Variants in FLT1 observed in about 807,000 individuals in gnomAD.
FLT1 encodes fms related receptor tyrosine kinase 1, also known as vascular endothelial growth factor receptor 1.
A neutral mutation model predicts 156.3 loss-of-function variants in FLT1; 49 were observed. The observed-to-expected ratio is 0.31, with a 90% CI of 0.25 to 0.40. FLT1 has a LOEUF of 0.40. Ranked by LOEUF, FLT1 falls within the 10% of genes least tolerant of loss-of-function variation. FLT1 has a pLI of 1.00. For synonymous variants in FLT1, 594 were observed against 583.8 expected (o/e 1.02, Z -0.25); for missense variants, 1,322 against 1,637.2 (o/e 0.81, Z 3.32).
chr13:28,472,932 T>A (rs1299574314), intron 1 of FLT1, among the ~76,000 whole-genome samples: 5 of 152,122 alleles, frequency 3.3e-5, no homozygotes, highest in African/African-American at 9.7e-5. Flanking sequence ...ATTTTAAAGA[T>A]CAACCAAGGC....
At chr13:28,455,389 C>G (rs750234882) in intron 3 of FLT1, among the ~76,000 whole-genome samples, 1 of 152,114 alleles carries the variant, frequency 6.6e-6, no homozygotes, top group Non-Finnish European at 1.5e-5. Flanking sequence ...CAAAAATCAT[C>G]TTGTCAATAA....
At chr13:28,440,732 G>A (rs930960464) in intron 3 of FLT1, among the ~76,000 whole-genome samples, 4 of 152,070 alleles carry the variant, frequency 2.6e-5, no homozygotes, top group Non-Finnish European at 5.9e-5. Context: ...TATACCCTCT[G>A]TGCCTCATTT....
chr13:28,446,734 C>G (rs549307025), intron 3 of FLT1, among the ~76,000 whole-genome samples: 2 of 152,294 alleles, frequency 1.3e-5, no homozygotes, highest in South Asian at 2.1e-4. Flanking sequence ...CCAAATTGAT[C>G]TACAGATTAA....
At position 28,325,131 on chromosome 13, in the gene FLT1, C is replaced by A. The variant is rs566000760; in HGVS notation, c.2797-2185G>T. Among the ~76,000 whole-genome samples the A allele has an allele frequency of 9.2e-5, 14 of 152,186 alleles. No homozygotes were observed. In the East Asian group the frequency reaches 2.5e-3, roughly 27 times the overall value. ...AGCTCCACCAAGTTGCACAGGGAGG[C>A]AAATCATTAAATATAGCCAGAGAAG... On this transcript the variant is annotated intron_variant, in intron 20 of 29. Transcript: ENST00000282397.
At chr13:28,343,394 G>T (rs1267790076) in intron 16 of FLT1, among the ~76,000 whole-genome samples, 2 of 151,392 alleles carry the variant, frequency 1.3e-5, no homozygotes, top group African/African-American at 2.4e-5. Context: ...TCCGCCCCCG[G>T]GTCCAAACCA....
intron 13 of FLT1, chr13:28,388,698 G>GA: frequency 1.9e-6 from 2 of 1,057,050 alleles, no homozygotes; most frequent in Non-Finnish European, 2.3e-6. Flanking sequence ...TGCATATGGG[G>GA]AAAGTGGACT....
intron 11 of FLT1, among the ~76,000 whole-genome samples, chr13:28,398,500 A>C (rs1875203750): frequency 6.6e-6 from 1 of 152,194 alleles, no homozygotes; most frequent in Non-Finnish European, 1.5e-5. Context: ...TCTGTCTTTA[A>C]TCTACAGATC....
At chr13:28,438,814 G>A (rs1283789034) in intron 3 of FLT1, among the ~76,000 whole-genome samples, 1 of 152,186 alleles carries the variant, frequency 6.6e-6, no homozygotes, top group Non-Finnish European at 1.5e-5. Context: ...AGCAAGTTGA[G>A]GAGAGGATTA....
intron 3 of FLT1, among the ~76,000 whole-genome samples, chr13:28,463,077 A>G (rs1341325132): frequency 6.6e-6 from 1 of 152,168 alleles, no homozygotes; most frequent in African/African-American, 2.4e-5. Context: ...AAATGGCATC[A>G]AGTAAATGAA....
Position 28,302,917 on chromosome 13 carries a change from A to G in FLT1, c.*250T>C. ...AGCAGGGAAGTCATTGGGTTTAGGA[A>G]GGATTTCTCTAACACTGAGTAACAT... On this transcript the variant is annotated 3_prime_UTR_variant, in exon 30 of 30. Coordinates refer to ENST00000282397, the MANE Select transcript of FLT1 (RefSeq NM_002019.4). 1.9e-6 allele frequency: 1 copy of G among 529,514 alleles called. No homozygotes were observed. The highest frequency in any genetic ancestry group is 1.9e-5 in the African/African-American group (1 of 52,916). The allele number at this position is 529,514 out of a possible 1,614,324, so 32.8% of individuals were successfully genotyped here.
At chr13:28,392,574 T>G (rs1042307125) in intron 12 of FLT1, among the ~76,000 whole-genome samples, 2 of 152,206 alleles carry the variant, frequency 1.3e-5, no homozygotes, top group African/African-American at 4.8e-5. Flanking sequence ...AGAGTTTCTA[T>G]TTACTTTAGT....
rs770858814 is a variant in FLT1 at position 28,427,260 on chromosome 13, T to A, written c.1335A>T (p.Pro445=). Residue 445 remains proline, a synonymous_variant, in exon 10 of 30, where the codon CCA becomes CCT. Coordinates refer to ENST00000282397, the MANE Select transcript of FLT1 (RefSeq NM_002019.4). ...VSSFPDPALY[P]LGSRQILTCT... Reference sequence around the variant, plus strand: ...AAGTCAGGATTTGTCTGCTGCCCAGTGGGTAGAGAGCCGGGTCTGGAAACG... The same window carrying A: ...AAGTCAGGATTTGTCTGCTGCCCAGAGGGTAGAGAGCCGGGTCTGGAAACG... The A allele has an allele frequency of 1.9e-6, 3 of 1,613,916 alleles. No homozygotes were observed. Among genetic ancestry groups the A allele is most frequent in the Non-Finnish European group, 2.5e-6 (3 of 1,179,886 alleles).
At position 28,427,887 on chromosome 13, in the gene FLT1, C is replaced by G. The variant is rs767548480; in HGVS notation, c.1141G>C (p.Ala381Pro). ...KDGLPATEKS[A>P]RYLTRGYSLI... ...GAGTAGCCACGAGTCAAATAGCGAG[C>G]AGATTTCTCAGTCGCAGGTAACCCA... Residue 381 changes from alanine to proline, a missense_variant, in exon 9 of 30, where the codon GCT (alanine) becomes CCT (proline). Ala to Pro is a conservative substitution (Grantham distance 27, BLOSUM62 -1). Around this residue, in one of 3 missense-constraint regions of FLT1, gnomAD observed 991 missense variants for 1,254.8 expected, o/e 0.79. Coordinates refer to ENST00000282397, the MANE Select transcript of FLT1 (RefSeq NM_002019.4). 50 of 1,613,830 alleles carry G rather than the reference C, an allele frequency of 3.1e-5. No homozygotes were observed. The highest frequency in any genetic ancestry group is 3.3e-5 in the Admixed American group (2 of 60,000).
chr13:28,313,708 T>C lies in FLT1; in HGVS notation c.3387-1610A>G, dbSNP rs1451010134. 2.0e-5 allele frequency among the ~76,000 whole-genome samples: 3 copies of C among 152,284 alleles called. No homozygotes were observed. The South Asian group carries it at 6.2e-4, about 32-fold the overall frequency. ...GCTGTACTGCAGACATTACTTGTGCTGGGAGATGGCGGTTGCTGGGGAAAA... is the reference window on the plus strand; with the variant it reads ...GCTGTACTGCAGACATTACTTGTGCCGGGAGATGGCGGTTGCTGGGGAAAA... On this transcript the variant is annotated intron_variant, in intron 25 of 29. Coordinates refer to ENST00000282397, the MANE Select transcript of FLT1 (RefSeq NM_002019.4).
intron 28 of FLT1, among the ~76,000 whole-genome samples, chr13:28,308,075 C>G (rs1026852658): frequency 6.6e-6 from 1 of 152,138 alleles, no homozygotes; most frequent in South Asian, 2.1e-4. Context: ...CCCGGCCTCA[C>G]CAGCACTTCT....
At position 28,427,778 on chromosome 13, in the gene FLT1, T is replaced by C; in HGVS notation, c.1250A>G (p.Asn417Ser). The C allele has an allele frequency of 6.2e-7, 1 of 1,613,634 alleles. No individual in the cohort carries two copies. Among genetic ancestry groups the C allele is most frequent in the East Asian group, 2.2e-5 (1 of 44,866 alleles). The change falls in exon 9 of 30, where the codon AAC becomes AGC. Residue 417 changes from asparagine to serine, a missense_variant. Physicochemically the swap from Asn to Ser is conservative, Grantham distance 46 (BLOSUM62 1). Coordinates refer to ENST00000282397, the MANE Select transcript of FLT1 (RefSeq NM_002019.4). ...LSIKQSNVFK[N>S]LTATLIVNVK... ...ATTGACAATTAGAGTGGCAGTGAGGTTTTTAAACACATTTGACTGTTTTAT... is the reference window on the plus strand; with the variant it reads ...ATTGACAATTAGAGTGGCAGTGAGGCTTTTAAACACATTTGACTGTTTTAT...
chr13:28,382,063 A>G (rs1019216723), intron 14 of FLT1, among the ~76,000 whole-genome samples: 12 of 152,222 alleles, frequency 7.9e-5, no homozygotes, highest in African/African-American at 2.4e-4. Flanking sequence ...AAAAAAATAC[A>G]TAAGAGAGGA....
chr13:28,462,448 A>T (rs1349653998), intron 3 of FLT1, among the ~76,000 whole-genome samples: 1 of 152,212 alleles, frequency 6.6e-6, no homozygotes, highest in Non-Finnish European at 1.5e-5. Context: ...TTAATAGAAG[A>T]ATTGTACTCT....
rs543871010 is a variant in FLT1, at chr13:28,393,563, CA to C, written c.1660+3396del. ...ATTTTCATCAATTTGGAAGGCAACT[CA>C]AAAAAATTTTTGTGTTTGTTTTTGT... On this transcript the variant is annotated intron_variant, in intron 12 of 29. Transcript: ENST00000282397. Among the ~76,000 whole-genome samples, 708 of 152,104 alleles carry C rather than the reference CA, an allele frequency of 4.7e-3. 6 individuals are homozygous for C. Among genetic ancestry groups the C allele is most frequent in the African/African-American group, 0.016 (673 of 41,498 alleles).
Sources: gnomAD v4.1 joint callset for allele counts (sites outside exome capture counted in the v4.1 genomes callset) on GRCh38, gnomAD v4.1.1 for gene constraint, gnomAD v4.1.1 regional missense constraint, MANE v1.5 for transcripts, NCBI Gene and HGNC (gene_info 2026-07-23, HGNC 2026-07-21) for gene names.